The following DPY19L2 variants were observed in gnomAD, a reference collection of about 807,000 sequenced individuals.
DPY19L2 encodes the protein dpy-19 like 2.
In DPY19L2, 34 loss-of-function variants were observed where a neutral mutation model predicts 97.9. The observed-to-expected ratio is 0.35, with a 90% CI of 0.26 to 0.46. The LOEUF (loss-of-function observed/expected upper bound fraction) is 0.46. Ranked by LOEUF, DPY19L2 falls within the 20% of genes least tolerant of loss-of-function variation. The pLI is 1.00. For missense variants in DPY19L2, 623 were observed against 911.4 expected (o/e 0.68, Z 4.07); for synonymous variants, 230 against 307.9 (o/e 0.75, Z 2.65).
chr12:63,571,754 C>A (rs1878892027), intron 19 of DPY19L2, among the ~76,000 whole-genome samples: 1 of 152,080 alleles, frequency 6.6e-6, no homozygotes, highest in South Asian at 2.1e-4. Context: ...TAAATTTGGT[C>A]ATAACTAGAG....
chr12:63,585,029 G>A (rs1031529879), intron 16 of DPY19L2, among the ~76,000 whole-genome samples: 38 of 152,200 alleles, frequency 2.5e-4, no homozygotes, highest in Admixed American at 7.8e-4. Context: ...AATGTGTTCC[G>A]ATGGTGGCAA....
intron 6 of DPY19L2, among the ~76,000 whole-genome samples, chr12:63,627,160 T>C (rs1889698413): frequency 6.6e-6 from 1 of 152,170 alleles, no homozygotes; most frequent in African/African-American, 2.4e-5. Flanking sequence ...AGCAAATTTT[T>C]ATCTTTTGAA....
chr12:63,629,735 G>A (rs1279151339), intron 6 of DPY19L2, among the ~76,000 whole-genome samples: 2 of 152,032 alleles, frequency 1.3e-5, no homozygotes, highest in Non-Finnish European at 2.9e-5. Flanking sequence ...GATACTCCTC[G>A]AGAAGAGCAA....
At chr12:63,582,169 G>C (rs1045826557) in intron 18 of DPY19L2, among the ~76,000 whole-genome samples, 1 of 151,890 alleles carries the variant, frequency 6.6e-6, no homozygotes, top group African/African-American at 2.4e-5. Context: ...GGAAATGTTT[G>C]CCTAATCACT....
chr12:63,628,970 C>T (rs11834445), intron 6 of DPY19L2, among the ~76,000 whole-genome samples: 11,807 of 151,606 alleles, frequency 0.078, 671 homozygotes, highest in African/African-American at 0.17. Context: ...TGGAGTGGAC[C>T]TCCAGCAAAC....
intron 4 of DPY19L2, among the ~76,000 whole-genome samples, chr12:63,648,118 T>C (rs1168824771): frequency 1.3e-5 from 2 of 152,092 alleles, no homozygotes; most frequent in Non-Finnish European, 2.9e-5. Flanking sequence ...ACAGTGTTCC[T>C]CTCCTTCAGA....
At chr12:63,623,744 G>T (rs1320903931) in intron 8 of DPY19L2, 1 of 261,886 alleles carries the variant, frequency 3.8e-6, no homozygotes, top group Non-Finnish European at 7.6e-6. Context: ...TTGCTCTCTT[G>T]CCCAGGCTGG....
chr12:63,628,542 C>A (rs1018319965), intron 6 of DPY19L2, among the ~76,000 whole-genome samples: 1 of 152,138 alleles, frequency 6.6e-6, no homozygotes, highest in Admixed American at 6.5e-5. Context: ...ATGGCCAAGG[C>A]TTGAGTAGGT....
In DPY19L2 at chr12:63,620,203, T is replaced by G. The variant is rs886070829; in HGVS notation, c.1053+1035A>C. 3.9e-4 allele frequency: 114 copies of G among 295,090 alleles called. 1 individual carries two copies. Among genetic ancestry groups the G allele is most frequent in the Non-Finnish European group, 1.5e-4 (22 of 149,270 alleles). 18.3% of individuals were successfully genotyped at this position (295,090 alleles called of 1,614,324 possible). A position where few individuals can be genotyped will look rare whatever the true frequency, so the allele number is the denominator to read the frequency against. On this transcript the variant is annotated intron_variant, in intron 9 of 21. Coordinates refer to ENST00000324472, the MANE Select transcript of DPY19L2 (RefSeq NM_173812.5). Reference sequence around the variant, plus strand: ...CTCTCTGCTTCCCCAGTTCAGTTTCTTGTTACTAGTTATGTAGTTGCTTTA... The same window carrying G: ...CTCTCTGCTTCCCCAGTTCAGTTTCGTGTTACTAGTTATGTAGTTGCTTTA...
chr12:63,638,129 G>A (rs1892068390), intron 6 of DPY19L2, among the ~76,000 whole-genome samples: 1 of 152,122 alleles, frequency 6.6e-6, no homozygotes, highest in Admixed American at 6.6e-5. Context: ...CTCAATAGAT[G>A]CAGAAAAGGC....
At chr12:63,596,150 A>G (rs1884197806) in intron 14 of DPY19L2, 113 bp from the exon 15 acceptor site, 1 of 763,460 alleles carries the variant, frequency 1.3e-6, no homozygotes, top group Admixed American at 3.8e-5. Context: ...AAAAGGTTAA[A>G]TTTCTTTGTC....
At chr12:63,591,043 T>G (rs1345223376) in intron 16 of DPY19L2, 4 of 455,658 alleles carry the variant, frequency 8.8e-6, no homozygotes, top group African/African-American at 2.0e-5. Context: ...AGTCCCTTCA[T>G]GTACTCCTTA....
Position 63,627,425 on chromosome 12 carries a change from C to T in DPY19L2, c.804-899G>A, listed in dbSNP as rs536711565. ...AGTGCAGTGGCGCGATCTCGGCTCA[C>T]TGCAACCTCTGCCTCCCTGGTTCAA... is the stretch of plus-strand genomic sequence containing the variant. On this transcript the variant is annotated intron_variant, in intron 6 of 21. Transcript: ENST00000324472. Among the ~76,000 whole-genome samples, 569 of 152,248 alleles carry T rather than the reference C, an allele frequency of 3.7e-3. 3 individuals are homozygous for T. The highest frequency in any genetic ancestry group is 0.013 in the African/African-American group (523 of 41,556).
intron 4 of DPY19L2, 78 bp downstream of exon 4, chr12:63,661,266 A>G: frequency 7.3e-7 from 1 of 1,366,914 alleles, no homozygotes; most frequent in Non-Finnish European, 9.7e-7. Flanking sequence ...TCCCTTTCTT[A>G]ACAAGATTGT....
Position 63,572,119 on chromosome 12 carries a change from G to T in DPY19L2, c.1901-1262C>A, listed in dbSNP as rs551634562. Among the ~76,000 whole-genome samples the T allele has an allele frequency of 2.1e-4, 32 of 152,268 alleles. No individual in the cohort carries two copies. The South Asian group carries it at 6.2e-3, about 30-fold the overall frequency. On this transcript the variant is annotated intron_variant, in intron 19 of 21. Transcript: ENST00000324472. Reference sequence around the variant, plus strand: ...GGGGAGCAGCACCAAGCAGGCTCTTGTGGTCCCCGATTCCAGGCCTTGGCT... The same window carrying T: ...GGGGAGCAGCACCAAGCAGGCTCTTTTGGTCCCCGATTCCAGGCCTTGGCT...
chr12:63,574,653 T>C (rs538683609), intron 19 of DPY19L2, among the ~76,000 whole-genome samples: 2 of 152,060 alleles, frequency 1.3e-5, no homozygotes, highest in South Asian at 4.2e-4. Context: ...AGAGCAGGAA[T>C]AGCCATACTT....
intron 6 of DPY19L2, among the ~76,000 whole-genome samples, chr12:63,629,530 GAAAC>G (rs1263219453): frequency 6.6e-6 from 1 of 152,150 alleles, no homozygotes; most frequent in African/African-American, 2.4e-5. Context: ...AGAATAAAAA[GAAAC>G]AAACAAAGCC....
intron 21 of DPY19L2, among the ~76,000 whole-genome samples, chr12:63,562,175 AC>A (rs1876670303): frequency 3.3e-5 from 5 of 152,130 alleles, no homozygotes; most frequent in African/African-American, 1.2e-4. Flanking sequence ...ATACATATTA[AC>A]ATAGGTATAC....
chr12:63,586,511 G>A (rs761343248), intron 16 of DPY19L2, among the ~76,000 whole-genome samples: 16 of 152,178 alleles, frequency 1.1e-4, no homozygotes, highest in Non-Finnish European at 1.8e-4. Flanking sequence ...ACAGCTCAGC[G>A]CTGAAGCAAG....
Sources: allele counts gnomAD v4.1 joint callset (sites outside exome capture counted in the v4.1 genomes callset), GRCh38; gene constraint gnomAD v4.1.1; transcripts MANE v1.5; gene names NCBI Gene and HGNC (gene_info 2026-07-23, HGNC 2026-07-21).